Variants in CDH13 observed in about 807,000 individuals in gnomAD.
CDH13 encodes cadherin-13.
In CDH13, 24 loss-of-function variants were observed where a neutral mutation model predicts 63.8. That is an observed-to-expected ratio of 0.38 (90% CI 0.27 to 0.53). CDH13 has a LOEUF of 0.53. Ranked by LOEUF, CDH13 falls within the 20% of genes least tolerant of loss-of-function variation. The pLI is 0.85. For synonymous variants in CDH13, 503 were observed against 355.3 expected (o/e 1.42, Z -4.67); for missense variants, 1,049 against 903.1 (o/e 1.16, Z -2.07).
intron 3 of CDH13, among the ~76,000 whole-genome samples, chr16:83,119,519 T>C (rs9925631): frequency 0.55 from 83,724 of 151,964 alleles, 23,540 homozygotes; most frequent in Non-Finnish European, 0.59. Flanking sequence ...TCTTATTACC[T>C]CCCTCCTTTA....
intron 6 of CDH13, among the ~76,000 whole-genome samples, chr16:83,432,226 A>G (rs2072140445): frequency 6.6e-6 from 1 of 152,170 alleles, no homozygotes; most frequent in South Asian, 2.1e-4. Flanking sequence ...CATTTGGAAT[A>G]AGAGAAATGA....
At chr16:83,587,515 C>T (rs1166786372) in intron 7 of CDH13, among the ~76,000 whole-genome samples, 1 of 152,128 alleles carries the variant, frequency 6.6e-6, no homozygotes, top group Non-Finnish European at 1.5e-5. Flanking sequence ...CAGCAGAACG[C>T]AATTTTTAGC....
chr16:83,567,985 C>A (rs1480208426), intron 7 of CDH13, among the ~76,000 whole-genome samples: 2 of 152,186 alleles, frequency 1.3e-5, no homozygotes, highest in Admixed American at 6.5e-5. Context: ...TGCCCACATT[C>A]ACTTGGGGAA....
At chr16:82,872,971 C>A (rs926002062) in intron 2 of CDH13, among the ~76,000 whole-genome samples, 1 of 152,056 alleles carries the variant, frequency 6.6e-6, no homozygotes, top group Non-Finnish European at 1.5e-5. Context: ...TATAATAAAC[C>A]CTTGAGAACA....
intron 1 of CDH13, among the ~76,000 whole-genome samples, chr16:82,725,335 A>G (rs2033034068): frequency 6.6e-6 from 1 of 152,162 alleles, no homozygotes; most frequent in South Asian, 2.1e-4. Context: ...CAGAGCATAA[A>G]AGATGTCTTG....
intron 1 of CDH13, among the ~76,000 whole-genome samples, chr16:82,727,227 T>A (rs1222926426): frequency 6.6e-6 from 1 of 152,170 alleles, no homozygotes; most frequent in African/African-American, 2.4e-5. Flanking sequence ...GTGGACACAC[T>A]CTGGTGTTTG....
chr16:82,675,176 C>T (rs1913754578), intron 1 of CDH13, among the ~76,000 whole-genome samples: 2 of 152,140 alleles, frequency 1.3e-5, no homozygotes, highest in African/African-American at 4.8e-5. Context: ...GTAAAAGACA[C>T]ACTACAGTGA....
chr16:83,664,165 A>G (rs180904135), intron 8 of CDH13, among the ~76,000 whole-genome samples: 16 of 152,088 alleles, frequency 1.1e-4, no homozygotes, highest in Admixed American at 3.3e-4. Context: ...CAAAAAAAAA[A>G]GGAGAAGAAA....
intron 10 of CDH13, among the ~76,000 whole-genome samples, chr16:83,734,095 C>CA (rs1911302370): frequency 6.6e-6 from 1 of 151,978 alleles, no homozygotes; most frequent in African/African-American, 2.4e-5. Flanking sequence ...AATCATGAAC[C>CA]AAAAAACAGG....
At chr16:83,614,282 C>G (rs545901230) in intron 8 of CDH13, among the ~76,000 whole-genome samples, 8 of 152,178 alleles carry the variant, frequency 5.3e-5, no homozygotes, top group Non-Finnish European at 1.2e-4. Flanking sequence ...AAGGGTGGGT[C>G]TACTTCCCAG....
intron 10 of CDH13, among the ~76,000 whole-genome samples, chr16:83,719,937 A>G (rs964598627): frequency 6.6e-6 from 1 of 152,206 alleles, no homozygotes; most frequent in African/African-American, 2.4e-5. Flanking sequence ...ACTCCACTGT[A>G]GGAATCTACA....
chr16:82,915,863 G>T (rs185699234), intron 2 of CDH13, among the ~76,000 whole-genome samples: 325 of 150,004 alleles, frequency 2.2e-3, no homozygotes, highest in African/African-American at 7.7e-3. Flanking sequence ...ACCATCAGAA[G>T]GGGAACTGCT....
intron 1 of CDH13, among the ~76,000 whole-genome samples, chr16:82,801,611 C>G (rs1450628312): frequency 6.6e-6 from 1 of 152,158 alleles, no homozygotes; most frequent in East Asian, 1.9e-4. Flanking sequence ...GAGTCAGGCA[C>G]AAAATTCTGA....
At chr16:83,155,021 A>G (rs926097837) in intron 4 of CDH13, among the ~76,000 whole-genome samples, 3 of 152,194 alleles carry the variant, frequency 2.0e-5, no homozygotes, top group Non-Finnish European at 4.4e-5. Context: ...TTTAATTCTC[A>G]TTTGGAAAAT....
chr16:83,726,375 A>ATTCGTTCATTTATTTATTTATTTATTTG (rs149183871), intron 10 of CDH13: 5 of 151,630 alleles, frequency 3.3e-5, no homozygotes, highest in African/African-American at 1.2e-4. Flanking sequence ...GGGTCCATTC[A>ATTCGTTCATTTATTTATTTATTTATTTG]TTCATTCATT....
At chr16:83,518,717 C>T (rs1049515737) in intron 7 of CDH13, among the ~76,000 whole-genome samples, 63 of 151,914 alleles carry the variant, frequency 4.1e-4, no homozygotes, top group East Asian at 1.9e-4. Flanking sequence ...GTGATCTGCC[C>T]GCCTCAGCCT....
intron 7 of CDH13, among the ~76,000 whole-genome samples, chr16:83,510,892 A>G (rs2074540995): frequency 6.6e-6 from 1 of 152,246 alleles, no homozygotes; most frequent in Non-Finnish European, 1.5e-5. Context: ...GCATTTCAGG[A>G]TTTGGAATTT....
intron 10 of CDH13, among the ~76,000 whole-genome samples, chr16:83,701,289 G>A (rs928423318): frequency 6.6e-6 from 1 of 152,240 alleles, no homozygotes; most frequent in Non-Finnish European, 1.5e-5. Context: ...GCAGCCGAAT[G>A]GGGCCATCGG....
At chr16:83,766,342 A>T (rs977313918) in intron 11 of CDH13, among the ~76,000 whole-genome samples, 1 of 152,250 alleles carries the variant, frequency 6.6e-6, no homozygotes, top group African/African-American at 2.4e-5. Flanking sequence ...ATCAAATTAT[A>T]GGTTGGCACA....
Sources: gnomAD v4.1 joint callset for allele counts (sites outside exome capture counted in the v4.1 genomes callset) on GRCh38, gnomAD v4.1.1 for gene constraint, MANE v1.5 for transcripts, NCBI Gene and HGNC (gene_info 2026-07-23, HGNC 2026-07-21) for gene names.